The following FBLN5 variants were observed in gnomAD, a reference collection of about 807,000 sequenced individuals.
FBLN5 encodes fibulin-5.
In FBLN5, 24 loss-of-function variants were observed where a neutral mutation model predicts 61.6. That is an observed-to-expected ratio of 0.39 (90% CI 0.28 to 0.55). The LOEUF (loss-of-function observed/expected upper bound fraction) is 0.55. FBLN5 is among the 20% of genes least tolerant of loss of function. The pLI, the probability that FBLN5 is intolerant of heterozygous loss-of-function variation, is 0.65. For synonymous variants in FBLN5, 213 were observed against 219.8 expected, an observed-to-expected ratio of 0.97 and a Z score of 0.27; for missense variants, 470 against 594.1, an observed-to-expected ratio of 0.79 and a Z score of 2.17.
intron 4 of FBLN5, among the ~76,000 whole-genome samples, chr14:91,923,800 C>G (rs1317355468): frequency 6.6e-6 from 1 of 152,126 alleles, no homozygotes; most frequent in African/African-American, 2.4e-5. Context: ...CATCCTTAGA[C>G]CCTCCTAGCC....
At chr14:91,931,220 CCTT>C (rs1343506019) in intron 4 of FBLN5, among the ~76,000 whole-genome samples, 42 of 152,340 alleles carry the variant, frequency 2.8e-4, no homozygotes, top group East Asian at 5.8e-4. Flanking sequence ...CTTATCTCTG[CCTT>C]CTTTTTATAC....
At chr14:91,936,819 G>A in intron 4 of FBLN5, 128 bp downstream of exon 4, 1 of 1,110,542 alleles carries the variant, frequency 9.0e-7, no homozygotes, top group Non-Finnish European at 1.4e-6. Flanking sequence ...TAAGTATGCA[G>A]AGAGTAAGTC....
intron 4 of FBLN5, among the ~76,000 whole-genome samples, chr14:91,903,108 A>G (rs1890528501): frequency 6.6e-6 from 1 of 152,058 alleles, no homozygotes; most frequent in African/African-American, 2.4e-5. Context: ...TTTAATGGGG[A>G]AAAAAATCAA....
intron 4 of FBLN5, among the ~76,000 whole-genome samples, chr14:91,917,450 A>G (rs1299257585): frequency 2.0e-5 from 3 of 151,836 alleles, no homozygotes; most frequent in Non-Finnish European, 4.4e-5. Context: ...GTGGCGTGCA[A>G]CTGTAGTCCC....
At chr14:91,902,942 G>A (rs974017719) in intron 4 of FBLN5, among the ~76,000 whole-genome samples, 1 of 152,068 alleles carries the variant, frequency 6.6e-6, no homozygotes, top group Non-Finnish European at 1.5e-5. Context: ...AGGAAGGGAG[G>A]GAGGCATGGG....
rs1458205353 is a variant in FBLN5, at chr14:91,881,678, G to A, written c.863-260C>T. 2.0e-5 allele frequency among the ~76,000 whole-genome samples: 3 copies of A among 152,030 alleles called. No individual in the cohort carries two copies. The East Asian group carries it at 5.8e-4, about 29-fold the overall frequency. On this transcript the variant is annotated intron_variant, in intron 8 of 10. Transcript: ENST00000342058. ...CACAGTGGCTTACGTCTGTAATCCC[G>A]GTACATTGGGAGGCTGAGGCAGGAG...
Position 91,887,393 on chromosome 14 carries a change from G to A in FBLN5, c.620-81C>T, listed in dbSNP as rs570662339. 96 of 1,420,420 alleles carry A rather than the reference G, an allele frequency of 6.8e-5. 1 individual carries two copies. In the African/African-American group the frequency reaches 1.2e-3, roughly 17 times the overall value. The allele number at this position is 1,420,420 out of a possible 1,614,324, so 88.0% of individuals were successfully genotyped here. ...ACTAGGCAGAAAAAGCACCAGCAACGAAATCTACCACCACCAGGAGACCAG... is the reference window on the plus strand; with the variant it reads ...ACTAGGCAGAAAAAGCACCAGCAACAAAATCTACCACCACCAGGAGACCAG... On this transcript the variant is annotated intron_variant, in intron 6 of 10. Transcript: ENST00000342058.
chr14:91,918,452 C>A (rs149140634), intron 4 of FBLN5, among the ~76,000 whole-genome samples: 2 of 152,112 alleles, frequency 1.3e-5, no homozygotes, highest in Non-Finnish European at 2.9e-5. Flanking sequence ...CAAAAGAATG[C>A]CATTATTTAA....
chr14:91,941,036 A>G (rs1182431154), intron 2 of FBLN5, among the ~76,000 whole-genome samples: 2 of 152,164 alleles, frequency 1.3e-5, no homozygotes, highest in East Asian at 1.9e-4. Flanking sequence ...AGTTGTGAAG[A>G]GCAAGAGGAA....
intron 4 of FBLN5, among the ~76,000 whole-genome samples, chr14:91,924,133 G>T (rs1371920097): frequency 2.0e-5 from 3 of 152,128 alleles, no homozygotes; most frequent in Non-Finnish European, 4.4e-5. Flanking sequence ...CCTGTTCAAG[G>T]TCATCACCAA....
chr14:91,883,096 C>T lies in FBLN5; in HGVS notation c.740-20G>A, dbSNP rs748205244. 6 of 1,613,176 alleles carry T rather than the reference C, an allele frequency of 3.7e-6. No homozygotes were observed. ...CCATATCTGGGGTGACAAGTCACAC[C>T]TGCTGTTTGTAATCCCAGTCTACAT... is the stretch of plus-strand genomic sequence containing the variant. On this transcript the variant is annotated intron_variant, in intron 7 of 10. Coordinates refer to ENST00000342058, the MANE Select transcript of FBLN5 (RefSeq NM_006329.4).
intron 4 of FBLN5, among the ~76,000 whole-genome samples, chr14:91,899,991 C>T (rs1566810817): frequency 6.6e-6 from 1 of 152,250 alleles, no homozygotes. Flanking sequence ...GCCCACACAT[C>T]TGCTGACCGT....
intron 4 of FBLN5, among the ~76,000 whole-genome samples, chr14:91,902,725 T>A (rs997788104): frequency 2.0e-5 from 3 of 152,218 alleles, no homozygotes; most frequent in Non-Finnish European, 2.9e-5. Flanking sequence ...AGTAACAAGG[T>A]GCTAGACTGT....
At chr14:91,919,853 T>G (rs116377195) in intron 4 of FBLN5, among the ~76,000 whole-genome samples, 3,025 of 152,268 alleles carry the variant, frequency 0.02, 111 homozygotes, top group East Asian at 0.13. Context: ...GACAATACAT[T>G]TCTGTTGTTT....
intron 4 of FBLN5, among the ~76,000 whole-genome samples, chr14:91,902,924 A>T (rs550203969): frequency 6.6e-5 from 10 of 152,292 alleles, no homozygotes; most frequent in Middle Eastern, 3.4e-3. Flanking sequence ...ATTGGGGACT[A>T]CTAGAGGAGG....
At chr14:91,934,620 G>A (rs1275489815) in intron 4 of FBLN5, among the ~76,000 whole-genome samples, 3 of 152,186 alleles carry the variant, frequency 2.0e-5, no homozygotes, top group Non-Finnish European at 2.9e-5. Flanking sequence ...TTTCAGAAAT[G>A]TTTCCCAAGT....
rs1475920905 is a variant in FBLN5 at position 91,870,102 on chromosome 14, C to T, written c.*122G>A. On this transcript the variant is annotated 3_prime_UTR_variant, in exon 11 of 11. Transcript: ENST00000342058. The stretch of plus-strand genomic sequence containing the variant: ...AGTCAGGAAGTCGGGGCTGACTCTT[C>T]GGGGAAACGTTCAGCAGGAAATGCC... 2.2e-5 allele frequency: 23 copies of T among 1,067,060 alleles called. No individual in the cohort carries two copies. Among genetic ancestry groups the T allele is most frequent in the South Asian group, 2.6e-5 (2 of 75,664 alleles). 66.1% of individuals were successfully genotyped at this position (1,067,060 alleles called of 1,614,324 possible).
At chr14:91,898,603 CA>C (rs1890321397) in intron 4 of FBLN5, among the ~76,000 whole-genome samples, 1 of 152,104 alleles carries the variant, frequency 6.6e-6, no homozygotes, top group Non-Finnish European at 1.5e-5. Context: ...CATTCTTTGG[CA>C]GGGCCTCCCT....
At chr14:91,875,290 G>A (rs141081160) in intron 10 of FBLN5, among the ~76,000 whole-genome samples, 313 of 152,308 alleles carry the variant, frequency 2.1e-3, no homozygotes, top group African/African-American at 7.2e-3. Context: ...TGAGCCCTGA[G>A]CTGCCCCACA....
Sources: allele counts gnomAD v4.1 joint callset (sites outside exome capture counted in the v4.1 genomes callset), GRCh38; gene constraint gnomAD v4.1.1; transcripts MANE v1.5; gene names NCBI Gene and HGNC (gene_info 2026-07-23, HGNC 2026-07-21).